The following OXSR1 variants were observed in gnomAD, a reference collection of about 807,000 sequenced individuals.
The protein encoded by OXSR1 is oxidative stress responsive kinase 1, also known as serine/threonine-protein kinase OSR1.
A neutral mutation model predicts 79.8 loss-of-function variants in OXSR1; 24 were observed. The ratio of observed to expected loss-of-function variants is 0.30; its 90% CI spans 0.22 to 0.42. OXSR1 has a LOEUF of 0.42. Among genes scored for constraint, OXSR1 ranks in the 10% least tolerant of loss-of-function variants. OXSR1 has a pLI of 1.00. For synonymous variants in OXSR1, 226 were observed against 209.2 expected, an observed-to-expected ratio of 1.08 and a Z score of -0.69; for missense variants, 430 against 618.4, an observed-to-expected ratio of 0.70 and a Z score of 3.23.
chr3:38,174,003 G>C (rs1481435166), intron 1 of OXSR1, among the ~76,000 whole-genome samples: 1 of 152,216 alleles, frequency 6.6e-6, no homozygotes, highest in African/African-American at 2.4e-5. Flanking sequence ...GTTATCTGCA[G>C]GAAGTTTGTT....
chr3:38,240,633 G>T (rs71323655), intron 11 of OXSR1, among the ~76,000 whole-genome samples: 3,469 of 151,772 alleles, frequency 0.023, 68 homozygotes, highest in Non-Finnish European at 0.037. Context: ...TGATTCCAGG[G>T]CTTGGGCAGG....
At chr3:38,203,313 T>G (rs1243172890) in intron 4 of OXSR1, among the ~76,000 whole-genome samples, 1 of 152,138 alleles carries the variant, frequency 6.6e-6, no homozygotes, top group Non-Finnish European at 1.5e-5. Context: ...CCCCTTGTCT[T>G]GTATGCAATA....
chr3:38,208,418 C>G (rs1311489944), intron 4 of OXSR1, among the ~76,000 whole-genome samples: 1 of 152,122 alleles, frequency 6.6e-6, no homozygotes, highest in African/African-American at 2.4e-5. Flanking sequence ...TTCCAAGATT[C>G]CTTAGAGTTT....
chr3:38,185,596 CAA>C (rs1701870458), intron 2 of OXSR1, among the ~76,000 whole-genome samples: 1 of 151,788 alleles, frequency 6.6e-6, no homozygotes, highest in Non-Finnish European at 1.5e-5. Context: ...AAAAAACAAA[CAA>C]GAAACGGCAC....
intron 10 of OXSR1, 28 bp downstream of exon 10, chr3:38,230,458 TG>T: frequency 6.8e-7 from 1 of 1,474,148 alleles, no homozygotes; most frequent in Middle Eastern, 1.8e-4. Context: ...TCAGTTTTCC[TG>T]AAGAATTTAC....
intron 1 of OXSR1, among the ~76,000 whole-genome samples, chr3:38,178,414 T>C (rs988642152): frequency 1.3e-5 from 2 of 152,060 alleles, no homozygotes; most frequent in Non-Finnish European, 2.9e-5. Flanking sequence ...TGTCGAATTA[T>C]ATAGTTATAT....
At chr3:38,214,992 C>G (rs566707443) in intron 4 of OXSR1, among the ~76,000 whole-genome samples, 4 of 152,252 alleles carry the variant, frequency 2.6e-5, no homozygotes, top group African/African-American at 9.6e-5. Flanking sequence ...TCAAGGGCTA[C>G]CTTTCTTTTG....
chr3:38,184,379 A>C (rs1232312059), intron 2 of OXSR1, among the ~76,000 whole-genome samples: 5 of 152,206 alleles, frequency 3.3e-5, no homozygotes, highest in Non-Finnish European at 7.3e-5. Flanking sequence ...GCTGATCGAA[A>C]TCTTATTTTA....
At chr3:38,237,005 G>A in intron 11 of OXSR1, 44 bp downstream of exon 11, 1 of 1,561,362 alleles carries the variant, frequency 6.4e-7, no homozygotes, top group Non-Finnish European at 8.7e-7. Context: ...ACTTTTTGTA[G>A]TTCTTGTTCA....
rs1702355078 is a variant in OXSR1, at chr3:38,210,077, T to A, written c.435-6019T>A. On this transcript the variant is annotated intron_variant, in intron 4 of 17. Coordinates refer to ENST00000311806, the MANE Select transcript of OXSR1 (RefSeq NM_005109.3). ...GTTTTTTTTTTTTCCTCTTGACACT[T>A]TAAACAGTTCACTCCACTCTGCTTG... Among the ~76,000 whole-genome samples the A allele has an allele frequency of 2.0e-5, 3 of 152,120 alleles. No homozygotes were observed. The South Asian group carries it at 6.2e-4, about 32-fold the overall frequency.
chr3:38,231,057 A>G (rs1167370192), intron 10 of OXSR1, among the ~76,000 whole-genome samples: 5 of 152,142 alleles, frequency 3.3e-5, no homozygotes, highest in African/African-American at 1.2e-4. Context: ...GAAGAAGGTA[A>G]AGGTCTTACA....
At chr3:38,189,929 C>G (rs1469351264) in intron 2 of OXSR1, among the ~76,000 whole-genome samples, 1 of 152,074 alleles carries the variant, frequency 6.6e-6, no homozygotes, top group Admixed American at 6.6e-5. Flanking sequence ...TTTTATGTAC[C>G]ATGATGGGAG....
At chr3:38,185,946 C>CAAAAAA (rs71085304) in intron 2 of OXSR1, among the ~76,000 whole-genome samples, 3 of 32,120 alleles carry the variant, frequency 9.3e-5, no homozygotes, top group Non-Finnish European at 1.5e-4. Flanking sequence ...GGCCCTGTCT[C>CAAAAAA]AAAAAAAAAA....
At chr3:38,218,172 G>A (rs932789893) in intron 5 of OXSR1, among the ~76,000 whole-genome samples, 9 of 152,010 alleles carry the variant, frequency 5.9e-5, no homozygotes, top group African/African-American at 2.2e-4. Context: ...CTGTGTTTAA[G>A]TTTTTGAGGA....
chr3:38,217,694 T>G (rs1702510467), intron 5 of OXSR1, among the ~76,000 whole-genome samples: 1 of 152,026 alleles, frequency 6.6e-6, no homozygotes, highest in Non-Finnish European at 1.5e-5. Flanking sequence ...CACCGACTAA[T>G]TTTTGTATTT....
At chr3:38,169,993 G>A (rs992980027) in intron 1 of OXSR1, among the ~76,000 whole-genome samples, 55 of 151,056 alleles carry the variant, frequency 3.6e-4, no homozygotes, top group African/African-American at 1.3e-3. Flanking sequence ...CAGCCTTCCA[G>A]AGTGCTAGGA....
At chr3:38,184,971 T>G (rs1701856330) in intron 2 of OXSR1, among the ~76,000 whole-genome samples, 1 of 127,492 alleles carries the variant, frequency 7.8e-6, no homozygotes, top group Admixed American at 8.8e-5. Context: ...TGAGATGGAG[T>G]CTCGCTCTGT....
At chr3:38,250,280 G>A (rs1032317391) in intron 15 of OXSR1, 4 of 342,684 alleles carry the variant, frequency 1.2e-5, no homozygotes, top group East Asian at 6.1e-5. Context: ...TGTCTTAAGC[G>A]TTATCTTATT....
At chr3:38,229,140 TA>T (rs1702754224) in intron 8 of OXSR1, among the ~76,000 whole-genome samples, 4 of 152,204 alleles carry the variant, frequency 2.6e-5, no homozygotes, top group Non-Finnish European at 5.9e-5. Flanking sequence ...TGAGTTTTGT[TA>T]AATTTGGGGA....
Sources: allele counts gnomAD v4.1 joint callset (sites outside exome capture counted in the v4.1 genomes callset), GRCh38; gene constraint gnomAD v4.1.1; transcripts MANE v1.5; gene names NCBI Gene and HGNC (gene_info 2026-07-23, HGNC 2026-07-21).